Variants in MYO9A observed in about 807,000 individuals in gnomAD.
The protein encoded by MYO9A is myosin IXA.
MYO9A carries 103 observed loss-of-function variants against 293.3 expected under a neutral mutation model. The observed-to-expected ratio is 0.35, with a 90% confidence interval of 0.30 to 0.41. The LOEUF (loss-of-function observed/expected upper bound fraction) is 0.41, where lower values mean the gene tolerates loss of function less well. Among genes scored for constraint, MYO9A ranks in the 10% least tolerant of loss-of-function variants. The pLI, the probability that MYO9A is intolerant of heterozygous loss-of-function variation, is 1.00. For missense variants in MYO9A, 2,685 were observed against 3,033.0 expected (o/e 0.89, Z 2.69); for synonymous variants, 1,001 against 1,035.7 (o/e 0.97, Z 0.64).
intron 39 of MYO9A, among the ~76,000 whole-genome samples, chr15:71,836,472 C>T (rs924748598): frequency 6.6e-6 from 1 of 152,000 alleles, no homozygotes; most frequent in African/African-American, 2.4e-5. Flanking sequence ...AAGCTGAAGA[C>T]ACATATATCC....
intron 15 of MYO9A, among the ~76,000 whole-genome samples, chr15:71,940,268 G>C (rs1303677477): frequency 6.6e-6 from 1 of 152,192 alleles, no homozygotes; most frequent in East Asian, 1.9e-4. Flanking sequence ...GCCAAGACAG[G>C]CAGATTACTT....
rs1374796266 is a variant in MYO9A, at chr15:72,020,988, G to T, written c.1028C>A (p.Ala343Glu). 1 of 1,555,252 alleles carries T rather than the reference G, an allele frequency of 6.4e-7. No individual in the cohort carries two copies. The highest frequency in any genetic ancestry group is 8.6e-7 in the Non-Finnish European group (1 of 1,158,974). ...TGATCTCTCATCTTCACTTGCTCCT[G>T]CCAGGAGGTAATAGAATACATGATA... is the stretch of plus-strand genomic sequence containing the variant. ...RNYHVFYYLL[A>E]GASEDERSAF... The change falls in exon 5 of 42, where the codon GCA becomes GAA. Residue 343 changes from alanine to glutamate, a missense_variant. Transcript: ENST00000356056.
Position 72,007,949 on chromosome 15 carries a change from A to G in MYO9A, c.1257T>C (p.Ile419=). ...VGFLPKTRRQ[I]FSLLSAILHL... ...GTAGTATGGCTGAGAGAAGAGAGAA[A>G]ATCCTGGGAAAATAAAACACAAATT... The change falls in exon 8 of 42, where the codon ATT becomes ATC. Residue 419 remains isoleucine, a synonymous_variant. Coordinates refer to ENST00000356056, the MANE Select transcript of MYO9A (RefSeq NM_006901.4). 2 of 1,607,106 alleles carry G rather than the reference A, an allele frequency of 1.2e-6. No homozygotes were observed. Among genetic ancestry groups the G allele is most frequent in the Admixed American group, 1.7e-5 (1 of 58,448 alleles).
chr15:72,086,625 G>T (rs2079739043), intron 1 of MYO9A, among the ~76,000 whole-genome samples: 1 of 150,418 alleles, frequency 6.6e-6, no homozygotes, highest in Admixed American at 6.6e-5. Context: ...ACACACACCG[G>T]CAAAGTGATG....
intron 1 of MYO9A, among the ~76,000 whole-genome samples, chr15:72,073,156 A>G (rs1012920718): frequency 1.1e-4 from 17 of 152,346 alleles, no homozygotes; most frequent in African/African-American, 4.1e-4. Flanking sequence ...ACAAGCTGAA[A>G]CTAAGCCATT....
intron 39 of MYO9A, among the ~76,000 whole-genome samples, chr15:71,833,419 T>A (rs1408180163): frequency 6.6e-6 from 1 of 152,138 alleles, no homozygotes; most frequent in Non-Finnish European, 1.5e-5. Context: ...AGGTTCATAT[T>A]ATGAAGAATA....
At chr15:72,015,002 C>A (rs997002107) in intron 6 of MYO9A, among the ~76,000 whole-genome samples, 3 of 139,836 alleles carry the variant, frequency 2.1e-5, no homozygotes, top group Non-Finnish European at 4.7e-5. Flanking sequence ...TATCACCACG[C>A]CCTGCTAATT....
chr15:72,109,669 G>A (rs576770478), intron 1 of MYO9A, among the ~76,000 whole-genome samples: 3 of 151,938 alleles, frequency 2.0e-5, no homozygotes, highest in South Asian at 2.1e-4. Context: ...CAGGCGGATC[G>A]CTTGAGGTCA....
rs751752171 is a variant in MYO9A at position 71,898,515 on chromosome 15, T to G, written c.3988A>C (p.Ser1330Arg). Residue 1330 changes from serine (S) to arginine (R), a missense_variant, in exon 25 of 42, where the codon AGC becomes CGC. Coordinates refer to ENST00000356056, the MANE Select transcript of MYO9A (RefSeq NM_006901.4). Reference sequence around the variant, plus strand: ...TCCTCATAGCTCAGAAGTTCCAAGCTTCCTTGAGAGCTCTCACTATCAGGT... The same window carrying G: ...TCCTCATAGCTCAGAAGTTCCAAGCGTCCTTGAGAGCTCTCACTATCAGGT... ...GTPDSESSQG[S>R]LELLSYEESQ... 7.5e-5 allele frequency: 121 copies of G among 1,614,058 alleles called. No homozygotes were observed. Among genetic ancestry groups the G allele is most frequent in the Non-Finnish European group, 9.9e-5 (117 of 1,180,034 alleles).
At chr15:71,915,157 ATTTT>A (rs200674625) in intron 19 of MYO9A, among the ~76,000 whole-genome samples, 1 of 151,472 alleles carries the variant, frequency 6.6e-6, no homozygotes, top group Admixed American at 6.6e-5. Flanking sequence ...ACTCAACATG[ATTTT>A]TTTTTCTATA....
At chr15:72,089,661 G>C (rs1049958876) in intron 1 of MYO9A, among the ~76,000 whole-genome samples, 4 of 152,050 alleles carry the variant, frequency 2.6e-5, no homozygotes, top group Admixed American at 1.3e-4. Flanking sequence ...TACTGCTGTG[G>C]TCCCAGTTAC....
intron 1 of MYO9A, among the ~76,000 whole-genome samples, 166 bp downstream of exon 1, chr15:72,117,514 T>G (rs2081037137): frequency 6.6e-6 from 1 of 150,732 alleles, no homozygotes; most frequent in African/African-American, 2.5e-5. Flanking sequence ...TGGGGTCTAC[T>G]GGGGATCCGG....
intron 15 of MYO9A, among the ~76,000 whole-genome samples, chr15:71,943,060 A>T (rs1006832426): frequency 6.6e-6 from 1 of 152,014 alleles, no homozygotes; most frequent in African/African-American, 2.4e-5. Flanking sequence ...TATCACTTAA[A>T]CTACTGAAAA....
rs1245224174 is a variant in MYO9A, at chr15:71,825,026, C to CTACT, written c.*1553_*1554insAGTA. 1 of 152,156 alleles carries CTACT rather than the reference C, an allele frequency of 6.6e-6. No homozygotes were observed. Among genetic ancestry groups the CTACT allele is most frequent in the Non-Finnish European group, 1.5e-5 (1 of 68,028 alleles). The allele number at this position is 152,156 out of a possible 1,614,324, so 9.4% of individuals were successfully genotyped here. A position where few individuals can be genotyped will look rare whatever the true frequency, so the allele number is the denominator to read the frequency against. ...GTTATAGATGGTAAAGGCTCTTTTTCAGAGCAGTGCATGTAGTAGCAAGAC... is the reference window on the plus strand; with the variant it reads ...GTTATAGATGGTAAAGGCTCTTTTTCTACTAGAGCAGTGCATGTAGTAGCAAGAC... On this transcript the variant is annotated 3_prime_UTR_variant, in exon 42 of 42. Coordinates refer to ENST00000356056, the MANE Select transcript of MYO9A (RefSeq NM_006901.4).
intron 8 of MYO9A, among the ~76,000 whole-genome samples, chr15:72,007,048 G>A (rs937334355): frequency 6.6e-6 from 1 of 152,172 alleles, no homozygotes; most frequent in Non-Finnish European, 1.5e-5. Context: ...TGATCCACGT[G>A]GGGAATGGAT....
At position 71,898,463 on chromosome 15, in the gene MYO9A, A is replaced by C. The variant is rs772976304; in HGVS notation, c.4040T>G (p.Val1347Gly). ...CTGCAAGTCTCCTTCATCTGAAATGACAGACTCTAGTTTGCTCTTTTGGCT... is the reference window on the plus strand; with the variant it reads ...CTGCAAGTCTCCTTCATCTGAAATGCCAGACTCTAGTTTGCTCTTTTGGCT... ...EESQKSKLES[V>G]ISDEGDLQFP... The change falls in exon 25 of 42, where the codon GTC becomes GGC. Residue 1347 changes from valine to glycine, a missense_variant. Around this residue, in one of 10 missense-constraint regions of MYO9A, gnomAD observed 1,434 missense variants for 1,497.7 expected, o/e 0.96. Transcript: ENST00000356056. The C allele has an allele frequency of 4.3e-6, 7 of 1,613,956 alleles. No individual in the cohort carries two copies. The South Asian group carries it at 7.7e-5, about 18-fold the overall frequency.
chr15:71,901,904 AAC>A (rs763269913), intron 22 of MYO9A, among the ~76,000 whole-genome samples: 19 of 152,184 alleles, frequency 1.2e-4, no homozygotes, highest in Non-Finnish European at 2.1e-4. Flanking sequence ...AACCAATGAT[AAC>A]AGTCTTTTTG....
chr15:71,834,036 A>G (rs527773221), intron 39 of MYO9A, among the ~76,000 whole-genome samples: 1 of 152,216 alleles, frequency 6.6e-6, no homozygotes, highest in South Asian at 2.1e-4. Context: ...AAACATTAGA[A>G]TAAAGACAAT....
At chr15:71,867,818 ACACACACACAC>A (rs1567212819) in intron 32 of MYO9A, among the ~76,000 whole-genome samples, 3 of 148,578 alleles carry the variant, frequency 2.0e-5, no homozygotes, top group African/African-American at 7.6e-5. Flanking sequence ...ACACACACAC[ACACACACACAC>A]ACACACACAC....
Sources: allele counts gnomAD v4.1 joint callset (sites outside exome capture counted in the v4.1 genomes callset), GRCh38; gene constraint gnomAD v4.1.1; regional missense constraint gnomAD v4.1.1; transcripts MANE v1.5; gene names NCBI Gene and HGNC (gene_info 2026-07-23, HGNC 2026-07-21).